The following GET3 variants were observed in gnomAD, a reference collection of about 807,000 sequenced individuals.
GET3 encodes guided entry of tail-anchored proteins factor 3, ATPase, also known as ATPase GET3.
Under a neutral mutation model 32.4 loss-of-function variants are expected in GET3, and 15 were observed. The observed-to-expected ratio is 0.46, with a 90% CI of 0.31 to 0.71. The LOEUF is 0.71. GET3 is among the 30% of genes least tolerant of loss of function. The pLI, the probability that GET3 is intolerant of heterozygous loss-of-function variation, is 0.05. For synonymous variants in GET3, 198 were observed against 185.6 expected (o/e 1.07, Z -0.54); for missense variants, 333 against 459.0 (o/e 0.73, Z 2.51).
Position 12,745,594 on chromosome 19 carries a change from C to G in GET3, c.459-15C>G. 1 of 1,612,506 alleles carries G rather than the reference C, an allele frequency of 6.2e-7. No individual in the cohort carries two copies. The highest frequency in any genetic ancestry group is 8.5e-7 in the Non-Finnish European group (1 of 1,179,928). On this transcript the variant is annotated splice_polypyrimidine_tract_variant and intron_variant, in intron 3 of 6. Coordinates refer to ENST00000357332, the MANE Select transcript of GET3 (RefSeq NM_004317.4). The surrounding 1 kb of genome is among the most constrained non-coding windows in gnomAD (Gnocchi z 5.0). ...AAGAGCGGACACAGAGGGCCTGACC[C>G]CTGTCTCCCCTCAGGCTGGTGAAGG...
chr19:12,738,803 G>A, intron 2 of GET3, 145 bp downstream of exon 2: 1 of 1,158,788 alleles, frequency 8.6e-7, no homozygotes, highest in Non-Finnish European at 1.2e-6. Context: ...TACTCACAAG[G>A]GAACCAATGA....
intron 2 of GET3, among the ~76,000 whole-genome samples, chr19:12,742,052 G>A (rs1312022846): frequency 6.6e-6 from 1 of 151,992 alleles, no homozygotes; most frequent in Non-Finnish European, 1.5e-5. Context: ...ATCACGTGAG[G>A]TCAGGAGTTC....
At chr19:12,740,085 A>C (rs1187797537) in intron 2 of GET3, among the ~76,000 whole-genome samples, 1 of 135,972 alleles carries the variant, frequency 7.4e-6, no homozygotes, top group Non-Finnish European at 1.5e-5. Context: ...CTCACGTCTC[A>C]AAAAAAAAAA....
Position 12,747,191 on chromosome 19 carries a change from C to T in GET3, c.610-6C>T, listed in dbSNP as rs763856868. ...AGCTATGAGCCCTCCCACATCCCCC[C>T]TGCAGATGTGCAACATGCTGGGCCT... is the stretch of plus-strand genomic sequence containing the variant. On this transcript the variant is annotated splice_region_variant and splice_polypyrimidine_tract_variant and intron_variant, in intron 4 of 6. Coordinates refer to ENST00000357332, the MANE Select transcript of GET3 (RefSeq NM_004317.4). This position sits in a 1 kb window ranked among gnomAD's most constrained non-coding sequence, Gnocchi z 4.0. 6 of 1,587,592 alleles carry T rather than the reference C, an allele frequency of 3.8e-6. No individual in the cohort carries two copies. The highest frequency in any genetic ancestry group is 5.1e-6 in the Non-Finnish European group (6 of 1,166,060).
At chr19:12,739,818 C>G (rs956043020) in intron 2 of GET3, among the ~76,000 whole-genome samples, 1 of 151,496 alleles carries the variant, frequency 6.6e-6, no homozygotes, top group Non-Finnish European at 1.5e-5. Context: ...CCAAGGTGGG[C>G]GGATCACTTG....
chr19:12,744,638 G>C (rs1382556701), intron 2 of GET3, among the ~76,000 whole-genome samples: 1 of 152,138 alleles, frequency 6.6e-6, no homozygotes, highest in Non-Finnish European at 1.5e-5. Context: ...CATATGTGCT[G>C]ACGACCTCTG....
chr19:12,747,895 C>T lies in GET3; in HGVS notation c.916-78C>T. On this transcript the variant is annotated intron_variant, in intron 6 of 6. Coordinates refer to ENST00000357332, the MANE Select transcript of GET3 (RefSeq NM_004317.4). The surrounding 1 kb of genome is among the most constrained non-coding windows in gnomAD (Gnocchi z 4.0). The stretch of plus-strand genomic sequence containing the variant: ...TGACTCTGGAAGCTTTCTAGCTTTA[C>T]CGCTTCTATTGATCCACACTCTGTC... The T allele has an allele frequency of 2.1e-6, 3 of 1,435,822 alleles. No homozygotes were observed. The highest frequency in any genetic ancestry group is 1.4e-5 in the African/African-American group (1 of 70,442). The allele number at this position is 1,435,822 out of a possible 1,614,324, so 88.9% of individuals were successfully genotyped here.
At chr19:12,742,714 T>C (rs919313305) in intron 2 of GET3, among the ~76,000 whole-genome samples, 3 of 152,008 alleles carry the variant, frequency 2.0e-5, no homozygotes, top group African/African-American at 7.3e-5. Flanking sequence ...GCGCCTGGCC[T>C]GTATTTTTTT....
At chr19:12,738,709 C>T (rs1385212516) in intron 2 of GET3, 51 bp downstream of exon 2, 6 of 1,610,366 alleles carry the variant, frequency 3.7e-6, no homozygotes, top group Non-Finnish European at 5.1e-6. Context: ...CTCTTCCAGC[C>T]TTTCTTGTGC....
rs1304818554 is a variant in GET3, at chr19:12,738,764, GTCTC to G, written c.309+109_309+112del. 5.0e-6 allele frequency: 7 copies of G among 1,409,016 alleles called. No individual in the cohort carries two copies. The Admixed American group carries it at 1.5e-4, about 30-fold the overall frequency. The allele number at this position is 1,409,016 out of a possible 1,614,324, so 87.3% of individuals were successfully genotyped here. A position where few individuals can be genotyped will look rare whatever the true frequency, so the allele number is the denominator to read the frequency against. ...GTGTCCTATCCACTCTATATCCTGTGTCTCTCGTGTTTCACTCCTTCCTCAACAT... is the reference window on the plus strand; with the variant it reads ...GTGTCCTATCCACTCTATATCCTGTGTCGTGTTTCACTCCTTCCTCAACAT... On this transcript the variant is annotated intron_variant, in intron 2 of 6. Coordinates refer to ENST00000357332, the MANE Select transcript of GET3 (RefSeq NM_004317.4).
intron 4 of GET3, among the ~76,000 whole-genome samples, chr19:12,746,879 G>A (rs1166351817): frequency 2.0e-5 from 3 of 151,998 alleles, no homozygotes; most frequent in Non-Finnish European, 2.9e-5. Context: ...GCATGGTGGT[G>A]CGCGCCTGTA....
In GET3 at chr19:12,745,300, C is replaced by A; in HGVS notation, c.310-77C>A. 1.3e-6 allele frequency: 2 copies of A among 1,546,054 alleles called. No homozygotes were observed. Among genetic ancestry groups the A allele is most frequent in the Non-Finnish European group, 1.7e-6 (2 of 1,145,330 alleles). ...GGCCCTGTGCCCGGGTAGGAAGGCT[C>A]CCCCTGGCCCTGTGCCCAGGTGGGA... On this transcript the variant is annotated intron_variant, in intron 2 of 6. Transcript: ENST00000357332. The surrounding 1 kb of genome is among the most constrained non-coding windows in gnomAD (Gnocchi z 5.0).
At chr19:12,737,698 T>C (rs1248625708) in intron 1 of GET3, 32 bp downstream of exon 1, 2 of 1,593,756 alleles carry the variant, frequency 1.3e-6, no homozygotes, top group Admixed American at 1.8e-5. Context: ...CCAGGAGGCG[T>C]GTAGGATATA....
In GET3 at chr19:12,743,056, A is replaced by G. The variant is rs1967699187; in HGVS notation, c.310-2321A>G. On this transcript the variant is annotated intron_variant, in intron 2 of 6. Transcript: ENST00000357332. Reference sequence around the variant, plus strand: ...AAGAAGCTTAAAATATATGAAGCATAAGAAGAGGGTGCAGTGATGAGTGGG... The same window carrying G: ...AAGAAGCTTAAAATATATGAAGCATGAGAAGAGGGTGCAGTGATGAGTGGG... 2.0e-5 allele frequency among the ~76,000 whole-genome samples: 3 copies of G among 152,312 alleles called. No homozygotes were observed. The Middle Eastern group carries it at 0.01, about 518-fold the overall frequency.
intron 2 of GET3, among the ~76,000 whole-genome samples, chr19:12,742,379 C>A (rs930624132): frequency 6.0e-5 from 9 of 150,994 alleles, no homozygotes; most frequent in Non-Finnish European, 1.3e-4. Flanking sequence ...TTACAGGCGC[C>A]CGCCACCACA....
At chr19:12,738,832 G>A (rs952332839) in intron 2 of GET3, among the ~76,000 whole-genome samples, 174 bp downstream of exon 2, 1 of 152,200 alleles carries the variant, frequency 6.6e-6, no homozygotes. Flanking sequence ...AGAGCAGGAA[G>A]CACACCAGAG....
rs754612810 is a variant in GET3, at chr19:12,745,397, C to T, written c.330C>T (p.Gly110=). The T allele has an allele frequency of 4.3e-6, 7 of 1,611,200 alleles. No individual in the cohort carries two copies. The highest frequency in any genetic ancestry group is 1.6e-4 in the Middle Eastern group (1 of 6,080). The part of the protein sequence containing the change: ...LFAMEIDPSL[G]VAELPDEFFE... ...CCCAGGAGATTGACCCCAGCCTGGG[C>T]GTGGCGGAGCTGCCTGACGAGTTCT... The change falls in exon 3 of 7, where the codon GGC becomes GGT. Residue 110 remains glycine, a synonymous_variant. Transcript: ENST00000357332. The surrounding 1 kb of genome is among the most constrained non-coding windows in gnomAD (Gnocchi z 5.0).
rs1967745722 is a variant in GET3 at position 12,745,151 on chromosome 19, T to G, written c.310-226T>G. ...CCCTTTGAGGGCCCTGGGCACAGCT[T>G]GCAATTTTCCCCTTGTTTTTGACCC... On this transcript the variant is annotated intron_variant, in intron 2 of 6. Transcript: ENST00000357332. The surrounding 1 kb of genome is among the most constrained non-coding windows in gnomAD (Gnocchi z 5.0). Among the ~76,000 whole-genome samples the G allele has an allele frequency of 6.6e-6, 1 of 151,982 alleles. No individual in the cohort carries two copies.
chr19:12,747,627 G>A lies in GET3; in HGVS notation c.915+35G>A, dbSNP rs1967798381. The A allele has an allele frequency of 6.2e-7, 1 of 1,600,166 alleles. No homozygotes were observed. The highest frequency in any genetic ancestry group is 2.3e-5 in the East Asian group (1 of 44,424). On this transcript the variant is annotated intron_variant, in intron 6 of 6. Coordinates refer to ENST00000357332, the MANE Select transcript of GET3 (RefSeq NM_004317.4). This position sits in a 1 kb window ranked among gnomAD's most constrained non-coding sequence, Gnocchi z 4.0. ...CCCACCCAGCACTGGCTCAGCAGAG[G>A]CACCTCTGCCCCTTTATTCTCTGAT...
Sources: allele counts gnomAD v4.1 joint callset (sites outside exome capture counted in the v4.1 genomes callset), GRCh38; gene constraint gnomAD v4.1.1; non-coding constraint Gnocchi (gnomAD v3.1); transcripts MANE v1.5; gene names NCBI Gene and HGNC (gene_info 2026-07-23, HGNC 2026-07-21).